The following DENND5B variants were observed in gnomAD, a reference collection of about 807,000 sequenced individuals.
The protein encoded by DENND5B is DENN domain containing 5B, also known as DENN domain-containing protein 5B.
A neutral mutation model predicts 140.6 loss-of-function variants in DENND5B; 34 were observed. The observed-to-expected ratio is 0.24, with a 90% CI of 0.18 to 0.32. The LOEUF is 0.32. DENND5B is among the 10% of genes least tolerant of loss of function. The pLI, the probability that DENND5B is intolerant of heterozygous loss-of-function variation, is 1.00. For missense variants in DENND5B, 1,142 were observed against 1,560.2 expected, an observed-to-expected ratio of 0.73 and a Z score of 4.52; for synonymous variants, 551 against 562.1, an observed-to-expected ratio of 0.98 and a Z score of 0.28.
At chr12:31,545,234 T>C (rs1948816912) in intron 1 of DENND5B, among the ~76,000 whole-genome samples, 1 of 152,222 alleles carries the variant, frequency 6.6e-6, no homozygotes, top group African/African-American at 2.4e-5. Context: ...TCTATTTTTA[T>C]TTCTTTTTCC....
At chr12:31,436,294 T>C (rs1730380083) in intron 7 of DENND5B, among the ~76,000 whole-genome samples, 1 of 151,680 alleles carries the variant, frequency 6.6e-6, no homozygotes, top group Non-Finnish European at 1.5e-5. Context: ...AGAGACAGGG[T>C]TTCATTATGT....
chr12:31,427,422 T>C (rs1347023135), intron 8 of DENND5B, among the ~76,000 whole-genome samples: 1 of 20,786 alleles, frequency 4.8e-5, no homozygotes, highest in Non-Finnish European at 3.5e-4. Context: ...CTGGCCAACA[T>C]GGTTAAAACC....
At chr12:31,490,781 T>C (rs1946494692) in intron 2 of DENND5B, among the ~76,000 whole-genome samples, 1 of 152,154 alleles carries the variant, frequency 6.6e-6, no homozygotes, top group East Asian at 1.9e-4. Context: ...CTTTTACTCT[T>C]ACAAGATAAG....
chr12:31,410,596 G>C (rs1406499097), intron 13 of DENND5B, among the ~76,000 whole-genome samples: 1 of 151,968 alleles, frequency 6.6e-6, no homozygotes, highest in Non-Finnish European at 1.5e-5. Context: ...GTAGAGATGG[G>C]GTCTCACTAT....
chr12:31,516,046 G>A (rs528805699), intron 1 of DENND5B, among the ~76,000 whole-genome samples: 6 of 152,282 alleles, frequency 3.9e-5, no homozygotes, highest in African/African-American at 7.2e-5. Context: ...GTAGATGTAT[G>A]GGTATGAAAA....
chr12:31,408,157 A>C (rs1292030153), intron 14 of DENND5B, among the ~76,000 whole-genome samples: 1 of 149,924 alleles, frequency 6.7e-6, no homozygotes. Context: ...TTAGCCGGGC[A>C]TGGTGACATA....
intron 1 of DENND5B, among the ~76,000 whole-genome samples, chr12:31,544,543 C>T (rs1948789963): frequency 6.6e-6 from 1 of 152,074 alleles, no homozygotes; most frequent in Non-Finnish European, 1.5e-5. Flanking sequence ...CCTCAGTCTC[C>T]CAAAGTGTTG....
chr12:31,579,349 C>T (rs771614490), intron 1 of DENND5B, among the ~76,000 whole-genome samples: 1 of 152,160 alleles, frequency 6.6e-6, no homozygotes, highest in Non-Finnish European at 1.5e-5. Flanking sequence ...CTCAACCAGT[C>T]ATCGCTGCAT....
intron 8 of DENND5B, among the ~76,000 whole-genome samples, chr12:31,428,497 G>A (rs933736734): frequency 2.6e-5 from 4 of 151,746 alleles, no homozygotes; most frequent in Non-Finnish European, 4.4e-5. Context: ...TGCCTCCCAG[G>A]TGCAAGCAAT....
Position 31,547,636 on chromosome 12 carries a change from T to C in DENND5B, c.127+43070A>G, listed in dbSNP as rs1948907212. Among the ~76,000 whole-genome samples the C allele has an allele frequency of 4.6e-5, 7 of 152,130 alleles. No homozygotes were observed. The South Asian group carries it at 1.4e-3, about 31-fold the overall frequency. On this transcript the variant is annotated intron_variant, in intron 1 of 20. Coordinates refer to ENST00000389082, the MANE Select transcript of DENND5B (RefSeq NM_144973.4). ...TGGTCTTGAAATTCTGACCTCGTGA[T>C]CCACTCGCCCCACCTCCCAAAATGC...
intron 11 of DENND5B, among the ~76,000 whole-genome samples, 190 bp downstream of exon 11, chr12:31,423,407 A>G (rs1020381416): frequency 1.3e-5 from 2 of 152,192 alleles, no homozygotes; most frequent in East Asian, 1.9e-4. Flanking sequence ...ACGAAGCAGG[A>G]CTTCAGAAAG....
chr12:31,529,119 C>A (rs1220934340), intron 1 of DENND5B, among the ~76,000 whole-genome samples: 3 of 147,832 alleles, frequency 2.0e-5, no homozygotes, highest in Admixed American at 6.8e-5. Context: ...GCCAAGATAG[C>A]GCCACTAAAC....
chr12:31,402,376 C>A (rs1311837638), intron 15 of DENND5B, 122 bp downstream of exon 15: 2 of 1,224,616 alleles, frequency 1.6e-6, no homozygotes, highest in South Asian at 1.8e-5. Flanking sequence ...CAAAAATGAT[C>A]CTGCACGCTT....
chr12:31,405,221 G>GTT (rs56239506), intron 14 of DENND5B, among the ~76,000 whole-genome samples: 1 of 142,170 alleles, frequency 7.0e-6, no homozygotes. Flanking sequence ...AAATTTTAAA[G>GTT]TTTTTTTTTT....
intron 16 of DENND5B, 128 bp from the exon 17 acceptor site, chr12:31,398,490 A>G: frequency 1.2e-6 from 1 of 847,820 alleles, no homozygotes; most frequent in Non-Finnish European, 1.8e-6. Context: ...TTTTTTATAG[A>G]GAGGTCTCAT....
At position 31,426,465 on chromosome 12, in the gene DENND5B, T is replaced by G. The variant is rs1444618641; in HGVS notation, c.2107-41A>C. 9 of 1,580,928 alleles carry G rather than the reference T, an allele frequency of 5.7e-6. No homozygotes were observed. In the South Asian group the frequency reaches 1.0e-4, roughly 18 times the overall value. ...GTATTTTTAATGCGTAAACATTAGC[T>G]ATTCTTCTAATCTTCTTAACCTTAT... On this transcript the variant is annotated intron_variant, in intron 8 of 20. Coordinates refer to ENST00000389082, the MANE Select transcript of DENND5B (RefSeq NM_144973.4).
chr12:31,456,025 A>G (rs1944761939), intron 4 of DENND5B, among the ~76,000 whole-genome samples: 1 of 148,378 alleles, frequency 6.7e-6, no homozygotes, highest in Admixed American at 6.7e-5. Context: ...TCTCAAAAAC[A>G]AAACAACAAC....
chr12:31,548,048 G>GT (rs1218050653), intron 1 of DENND5B, among the ~76,000 whole-genome samples: 15 of 152,006 alleles, frequency 9.9e-5, no homozygotes, highest in African/African-American at 3.4e-4. Context: ...CGCTTAAAAC[G>GT]TAAGATATTA....
At chr12:31,504,089 A>G (rs1947106567) in intron 1 of DENND5B, among the ~76,000 whole-genome samples, 1 of 152,204 alleles carries the variant, frequency 6.6e-6, no homozygotes, top group Non-Finnish European at 1.5e-5. Flanking sequence ...AATTCAGAGA[A>G]TTTCCAGTGA....
Sources: gnomAD v4.1 joint callset for allele counts (sites outside exome capture counted in the v4.1 genomes callset) on GRCh38, gnomAD v4.1.1 for gene constraint, MANE v1.5 for transcripts, NCBI Gene and HGNC (gene_info 2026-07-23, HGNC 2026-07-21) for gene names.